DGKI: variants seen among roughly 807,000 people sequenced by gnomAD.
DGKI encodes DAG kinase iota.
A neutral mutation model predicts 147.5 loss-of-function variants in DGKI; 55 were observed. The observed-to-expected ratio is 0.37, with a 90% CI of 0.30 to 0.47. The LOEUF (loss-of-function observed/expected upper bound fraction) is 0.47. Ranked by LOEUF, DGKI falls within the 20% of genes least tolerant of loss-of-function variation. DGKI has a pLI of 1.00. For synonymous variants in DGKI, 469 were observed against 477.1 expected, an observed-to-expected ratio of 0.98 and a Z score of 0.22; for missense variants, 1,007 against 1,323.8, an observed-to-expected ratio of 0.76 and a Z score of 3.71.
intron 20 of DGKI, among the ~76,000 whole-genome samples, chr7:137,551,291 C>G (rs1818036452): frequency 6.6e-6 from 1 of 152,142 alleles, no homozygotes; most frequent in African/African-American, 2.4e-5. Flanking sequence ...TGTGCCACCA[C>G]AGAGAGAGAG....
Position 137,578,312 on chromosome 7 carries a change from C to A in DGKI, c.1656G>T (p.Glu552Asp). ...EFHESREANP[E>D]KFNSRFRNKM... ...TATTTCGAAAACGACTGTTGAATTT[C>A]TCTGGATTTGCTTCTGTGAAAGAGG... is the stretch of plus-strand genomic sequence containing the variant. The change falls in exon 16 of 33, where the codon GAG (glutamate) becomes GAT (aspartate). Residue 552 changes from glutamate to aspartate, a missense_variant. By Grantham distance (45) the Glu-to-Asp change is conservative. Around this residue, in one of 5 missense-constraint regions of DGKI, gnomAD observed 224 missense variants for 382.7 expected, o/e 0.59. Transcript: ENST00000614521. 6.2e-7 allele frequency: 1 copy of A among 1,613,544 alleles called. No homozygotes were observed. Among genetic ancestry groups the A allele is most frequent in the South Asian group, 1.1e-5 (1 of 91,044 alleles).
chr7:137,624,959 C>T (rs969349104), intron 6 of DGKI, among the ~76,000 whole-genome samples: 1 of 152,164 alleles, frequency 6.6e-6, no homozygotes, highest in Non-Finnish European at 1.5e-5. Context: ...TCTACCTCTC[C>T]AGTCTTCTGT....
At chr7:137,612,647 TGA>T (rs1380076495) in intron 8 of DGKI, among the ~76,000 whole-genome samples, 1 of 152,152 alleles carries the variant, frequency 6.6e-6, no homozygotes, top group African/African-American at 2.4e-5. Context: ...TCAGTGTTGT[TGA>T]GAGAGTTAAA....
chr7:137,807,019 C>A (rs1164227150), intron 1 of DGKI, among the ~76,000 whole-genome samples: 1 of 152,162 alleles, frequency 6.6e-6, no homozygotes, highest in Non-Finnish European at 1.5e-5. Flanking sequence ...GTATGAGGCA[C>A]ACATTTAAGA....
At chr7:137,398,250 C>T (rs1171361627) in intron 30 of DGKI, among the ~76,000 whole-genome samples, 1 of 152,132 alleles carries the variant, frequency 6.6e-6, no homozygotes, top group African/African-American at 2.4e-5. Context: ...GGGACCACCC[C>T]AGGCAAGGGG....
rs147456695 is a variant in DGKI at position 137,456,845 on chromosome 7, T to C, written c.2735+6644A>G. Among the ~76,000 whole-genome samples, 188 of 152,344 alleles carry C rather than the reference T, an allele frequency of 1.2e-3. 2 individuals carry two copies. Among genetic ancestry groups the C allele is most frequent in the African/African-American group, 4.4e-3 (182 of 41,580 alleles). On this transcript the variant is annotated intron_variant, in intron 27 of 32. Transcript: ENST00000614521. The stretch of plus-strand genomic sequence containing the variant: ...ATAAGATCTGGTACACAGGGAACTC[T>C]GTTCTAACTCTTCCACTAACTGAAC...
intron 1 of DGKI, among the ~76,000 whole-genome samples, chr7:137,802,648 T>C (rs1443239953): frequency 6.6e-6 from 1 of 152,182 alleles, no homozygotes; most frequent in African/African-American, 2.4e-5. Context: ...ATGAGAAAAG[T>C]GAAAGATGGT....
chr7:137,557,302 G>A (rs563423472), intron 19 of DGKI, among the ~76,000 whole-genome samples: 1 of 152,186 alleles, frequency 6.6e-6, no homozygotes, highest in South Asian at 2.1e-4. Flanking sequence ...GAAAGAACAG[G>A]GGCAATGGAT....
intron 1 of DGKI, among the ~76,000 whole-genome samples, chr7:137,763,956 G>T (rs934072709): frequency 6.6e-6 from 1 of 152,216 alleles, no homozygotes; most frequent in Non-Finnish European, 1.5e-5. Context: ...CTAAATAAGG[G>T]ACAGGTCGTC....
At chr7:137,785,556 T>C (rs528081158) in intron 1 of DGKI, among the ~76,000 whole-genome samples, 33 of 149,270 alleles carry the variant, frequency 2.2e-4, no homozygotes, top group Non-Finnish European at 4.8e-4. Context: ...GTAAAGAAAA[T>C]TAGTACCAAT....
At chr7:137,487,009 C>A (rs900952250) in intron 22 of DGKI, among the ~76,000 whole-genome samples, 2 of 152,058 alleles carry the variant, frequency 1.3e-5, no homozygotes, top group African/African-American at 4.8e-5. Flanking sequence ...AAACAACCAA[C>A]AACAATTGTA....
At chr7:137,430,831 G>C (rs967921739) in intron 28 of DGKI, among the ~76,000 whole-genome samples, 1 of 152,120 alleles carries the variant, frequency 6.6e-6, no homozygotes, top group African/African-American at 2.4e-5. Flanking sequence ...CTCTAAAATA[G>C]GGTCAGGGAG....
At chr7:137,724,875 T>A (rs1389243275) in intron 1 of DGKI, among the ~76,000 whole-genome samples, 2 of 151,584 alleles carry the variant, frequency 1.3e-5, no homozygotes, top group Non-Finnish European at 2.9e-5. Context: ...AAGTAGGGAG[T>A]AGCTGGGAAT....
At chr7:137,755,222 C>G (rs1310753681) in intron 1 of DGKI, among the ~76,000 whole-genome samples, 1 of 152,068 alleles carries the variant, frequency 6.6e-6, no homozygotes, top group Admixed American at 6.5e-5. Context: ...TGGCAAAAAC[C>G]AATTCAATAT....
At chr7:137,730,974 T>G (rs535288111) in intron 1 of DGKI, among the ~76,000 whole-genome samples, 21 of 152,192 alleles carry the variant, frequency 1.4e-4, no homozygotes, top group African/African-American at 4.6e-4. Context: ...TTCACTAGGT[T>G]CAAAGGCAAA....
intron 21 of DGKI, among the ~76,000 whole-genome samples, chr7:137,493,576 A>G (rs1434431358): frequency 6.6e-6 from 1 of 152,136 alleles, no homozygotes; most frequent in Non-Finnish European, 1.5e-5. Context: ...GCCCCCTAAA[A>G]TATTCCAGAA....
chr7:137,670,567 A>G (rs547301768), intron 3 of DGKI, among the ~76,000 whole-genome samples: 9 of 152,298 alleles, frequency 5.9e-5, no homozygotes, highest in African/African-American at 1.9e-4. Context: ...TCCACTGACT[A>G]GGAACTCAGT....
At chr7:137,392,726 A>G (rs2128892733) in intron 32 of DGKI, among the ~76,000 whole-genome samples, 1 of 152,322 alleles carries the variant, frequency 6.6e-6, no homozygotes, top group African/African-American at 2.4e-5. Context: ...CTTTACTTCC[A>G]TAATAATGAG....
intron 27 of DGKI, among the ~76,000 whole-genome samples, chr7:137,453,751 G>T (rs1037940245): frequency 6.6e-6 from 1 of 152,104 alleles, no homozygotes; most frequent in South Asian, 2.1e-4. Flanking sequence ...CATTTGTGTG[G>T]AGGGAAGGAA....
Sources: allele counts gnomAD v4.1 joint callset (sites outside exome capture counted in the v4.1 genomes callset), GRCh38; gene constraint gnomAD v4.1.1; regional missense constraint gnomAD v4.1.1; transcripts MANE v1.5; gene names NCBI Gene and HGNC (gene_info 2026-07-23, HGNC 2026-07-21).